The following EPB41L4B variants were observed in gnomAD, a reference collection of about 807,000 sequenced individuals.
EPB41L4B encodes erythrocyte membrane protein band 4.1 like 4B.
Under a neutral mutation model 112.5 loss-of-function variants are expected in EPB41L4B, and 30 were observed. The observed-to-expected ratio is 0.27, with a 90% CI of 0.20 to 0.36. The LOEUF is 0.36. Among genes scored for constraint, EPB41L4B ranks in the 10% least tolerant of loss-of-function variants. The pLI, the probability that EPB41L4B is intolerant of heterozygous loss-of-function variation, is 1.00. For synonymous variants in EPB41L4B, 408 were observed against 439.7 expected (o/e 0.93, Z 0.90); for missense variants, 1,024 against 1,133.3 (o/e 0.90, Z 1.38).
chr9:109,249,072 A>AATAT (rs1405931516), intron 13 of EPB41L4B, among the ~76,000 whole-genome samples: 33 of 130,898 alleles, frequency 2.5e-4, no homozygotes, highest in African/African-American at 8.5e-4. Flanking sequence ...AAAAAAAAAA[A>AATAT]ATATATATAT....
rs892350026 is a variant in EPB41L4B, at chr9:109,173,689, G to C, written c.*865C>G. The C allele has an allele frequency of 6.6e-6, 1 of 152,522 alleles. No individual in the cohort carries two copies. The highest frequency in any genetic ancestry group is 1.5e-5 in the Non-Finnish European group (1 of 68,026). 9.4% of individuals were successfully genotyped at this position (152,522 alleles called of 1,614,324 possible). A position where few individuals can be genotyped will look rare whatever the true frequency, so the allele number is the denominator to read the frequency against. On this transcript the variant is annotated 3_prime_UTR_variant, in exon 26 of 26. Coordinates refer to ENST00000374566, the MANE Select transcript of EPB41L4B (RefSeq NM_019114.5). Reference sequence around the variant, plus strand: ...GAACTAATTTAGAGGGATATTTTGTGGTTAGGGGGTTGCTTTATTCCTGCA... The same window carrying C: ...GAACTAATTTAGAGGGATATTTTGTCGTTAGGGGGTTGCTTTATTCCTGCA...
Position 109,200,983 on chromosome 9 carries a change from G to T in EPB41L4B, c.1947-649C>A, listed in dbSNP as rs1389404607. ...AGTAATTTTAAGGAAAATTTTTAATGCATTTTTGTAGTGGTCATGACTAAT... is the reference window on the plus strand; with the variant it reads ...AGTAATTTTAAGGAAAATTTTTAATTCATTTTTGTAGTGGTCATGACTAAT... On this transcript the variant is annotated intron_variant, in intron 19 of 25. Transcript: ENST00000374566. Among the ~76,000 whole-genome samples the T allele has an allele frequency of 2.0e-5, 3 of 152,104 alleles. 1 individual carries two copies. Among genetic ancestry groups the T allele is most frequent in the African/African-American group, 7.2e-5 (3 of 41,412 alleles).
intron 25 of EPB41L4B, 149 bp downstream of exon 25, chr9:109,176,402 G>C: frequency 1.1e-6 from 1 of 902,180 alleles, no homozygotes; most frequent in Non-Finnish European, 1.6e-6. Flanking sequence ...ACCGCACCTG[G>C]CCCCTTTATA....
intron 15 of EPB41L4B, among the ~76,000 whole-genome samples, chr9:109,235,600 G>A (rs1834112620): frequency 6.6e-6 from 1 of 151,736 alleles, no homozygotes; most frequent in African/African-American, 2.4e-5. Flanking sequence ...GTTTCACCAT[G>A]TTGGCCAGGC....
chr9:109,256,295 A>C, intron 8 of EPB41L4B, 71 bp from the exon 9 acceptor site: 1 of 1,589,172 alleles, frequency 6.3e-7, no homozygotes, highest in Non-Finnish European at 8.6e-7. Flanking sequence ...GCAAAATGCA[A>C]AAACAGTTTC....
chr9:109,289,590 T>C lies in EPB41L4B; in HGVS notation c.307-9669A>G, dbSNP rs574932451. On this transcript the variant is annotated intron_variant, in intron 1 of 25. Coordinates refer to ENST00000374566, the MANE Select transcript of EPB41L4B (RefSeq NM_019114.5). ...AGAAGCCTGATCTGCCTGGTCCAAA[T>C]CCACTGGAATTCTCTGTAGCTGGCC... Among the ~76,000 whole-genome samples the C allele has an allele frequency of 3.3e-5, 5 of 152,312 alleles. No individual in the cohort carries two copies. In the East Asian group the frequency reaches 9.6e-4, roughly 29 times the overall value.
chr9:109,293,963 T>C (rs1836635531), intron 1 of EPB41L4B, among the ~76,000 whole-genome samples: 1 of 152,114 alleles, frequency 6.6e-6, no homozygotes, highest in East Asian at 1.9e-4. Flanking sequence ...AAAAGGTTTT[T>C]AAGATAATTG....
rs892049411 is a variant in EPB41L4B at position 109,283,743 on chromosome 9, A to G, written c.307-3822T>C. 2.0e-5 allele frequency among the ~76,000 whole-genome samples: 3 copies of G among 152,202 alleles called. No individual in the cohort carries two copies. The South Asian group carries it at 6.2e-4, about 32-fold the overall frequency. ...TTTGCTAAAATGAAAATAGTTGTAC[A>G]GATGCTCCTTATGACGGGATTACAT... On this transcript the variant is annotated intron_variant, in intron 1 of 25. Coordinates refer to ENST00000374566, the MANE Select transcript of EPB41L4B (RefSeq NM_019114.5).
chr9:109,199,208 T>G (rs1042423802), intron 20 of EPB41L4B, among the ~76,000 whole-genome samples: 1 of 152,132 alleles, frequency 6.6e-6, no homozygotes, highest in African/African-American at 2.4e-5. Context: ...AGTGATTAGC[T>G]TTGGTTCTGT....
At chr9:109,299,967 T>G (rs3793549) in intron 1 of EPB41L4B, among the ~76,000 whole-genome samples, 102,767 of 152,196 alleles carry the variant, frequency 0.68, 35,887 homozygotes, top group East Asian at 0.91. Flanking sequence ...AACCCTACGG[T>G]GAACAGAAAT....
chr9:109,215,573 T>C (rs1833332668), intron 16 of EPB41L4B, among the ~76,000 whole-genome samples: 1 of 152,012 alleles, frequency 6.6e-6, no homozygotes. Flanking sequence ...TTACAACCTC[T>C]GCCTCCAAGT....
At chr9:109,312,992 G>A (rs1423423558) in intron 1 of EPB41L4B, among the ~76,000 whole-genome samples, 1 of 152,126 alleles carries the variant, frequency 6.6e-6, no homozygotes, top group Admixed American at 6.5e-5. Context: ...TGTAATCCCA[G>A]AGCTTTGGGA....
chr9:109,204,978 C>A (rs964206296), intron 18 of EPB41L4B, among the ~76,000 whole-genome samples: 1 of 152,198 alleles, frequency 6.6e-6, no homozygotes, highest in African/African-American at 2.4e-5. Context: ...ACCCTCTAAA[C>A]CATGGATTCC....
Position 109,228,387 on chromosome 9 carries a change from A to T in EPB41L4B, c.1410-11242T>A, listed in dbSNP as rs192520084. On this transcript the variant is annotated intron_variant, in intron 15 of 25. Transcript: ENST00000374566. ...TTTTGGAATTCATGTTCCAAAAAAA[A>T]CTGTCCATCTACTTATCTAGCATTT... Among the ~76,000 whole-genome samples, 204 of 152,344 alleles carry T rather than the reference A, an allele frequency of 1.3e-3. 1 individual carries two copies. The highest frequency in any genetic ancestry group is 2.2e-3 in the Admixed American group (33 of 15,298).
At chr9:109,289,683 A>G (rs1836453493) in intron 1 of EPB41L4B, among the ~76,000 whole-genome samples, 1 of 152,172 alleles carries the variant, frequency 6.6e-6, no homozygotes, top group African/African-American at 2.4e-5. Flanking sequence ...CCTAACGCAC[A>G]CTAGGACATT....
chr9:109,224,421 C>T (rs1833692984), intron 15 of EPB41L4B, among the ~76,000 whole-genome samples: 1 of 152,100 alleles, frequency 6.6e-6, no homozygotes, highest in Non-Finnish European at 1.5e-5. Context: ...TGATATACTA[C>T]ATGAAAGAAG....
intron 1 of EPB41L4B, among the ~76,000 whole-genome samples, chr9:109,319,356 A>C (rs546875606): frequency 1.3e-5 from 2 of 152,134 alleles, no homozygotes; most frequent in South Asian, 4.1e-4. Flanking sequence ...TGCCCCGCCG[A>C]CCCCACGCAC....
chr9:109,241,763 C>T, intron 15 of EPB41L4B: 1 of 1,614,166 alleles, frequency 6.2e-7, no homozygotes, highest in Non-Finnish European at 8.5e-7. Context: ...CTGTCATCTC[C>T]ACTGGCCGAT....
At position 109,172,778 on chromosome 9, in the gene EPB41L4B, T is replaced by C. The variant is rs1831675080; in HGVS notation, c.*1776A>G. On this transcript the variant is annotated 3_prime_UTR_variant, in exon 26 of 26. Transcript: ENST00000374566. ...TTTTAAAGATTCAGCACTTAAAGGG[T>C]TAATCCTCGGTTATCTGAATATTCA... 6 of 152,732 alleles carry C rather than the reference T, an allele frequency of 3.9e-5. No homozygotes were observed. In the East Asian group the frequency reaches 1.2e-3, roughly 29 times the overall value. The allele number at this position is 152,732 out of a possible 1,614,324, so 9.5% of individuals were successfully genotyped here.
Sources: gnomAD v4.1 joint callset for allele counts (sites outside exome capture counted in the v4.1 genomes callset) on GRCh38, gnomAD v4.1.1 for gene constraint, MANE v1.5 for transcripts, NCBI Gene and HGNC (gene_info 2026-07-23, HGNC 2026-07-21) for gene names.